ST3GAL3: variants seen among roughly 807,000 people sequenced by gnomAD.
ST3GAL3 encodes the protein CMP-N-acetylneuraminate-beta-1,4-galactoside alpha-2,3-sialyltransferase.
A neutral mutation model predicts 50.1 loss-of-function variants in ST3GAL3; 21 were observed. The observed-to-expected ratio is 0.42, with a 90% CI of 0.30 to 0.60. ST3GAL3 has a LOEUF of 0.60. Among genes scored for constraint, ST3GAL3 ranks in the 20% least tolerant of loss-of-function variants. The pLI is 0.19. For synonymous variants in ST3GAL3, 183 were observed against 190.0 expected (o/e 0.96, Z 0.30); for missense variants, 353 against 489.4 (o/e 0.72, Z 2.63).
intron 9 of ST3GAL3, chr1:43,911,871 G>T (rs182698528): frequency 6.6e-6 from 1 of 151,816 alleles, no homozygotes; most frequent in African/African-American, 2.4e-5. Flanking sequence ...GTATTTTTTC[G>T]TAGAGACGGG....
At position 43,759,601 on chromosome 1, in the gene ST3GAL3, GTGGT is replaced by G. The variant is rs1572283596; in HGVS notation, c.118+23223_118+23226del. 2.6e-5 allele frequency among the ~76,000 whole-genome samples: 4 copies of G among 152,346 alleles called. No homozygotes were observed. The East Asian group carries it at 5.8e-4, about 22-fold the overall frequency. ...GCAGAGAACTACTGTCTTTTGTAGA[GTGGT>G]TATTAAAGTTTGGTCAAGTGTATTT... On this transcript the variant is annotated intron_variant, in intron 2 of 11. Transcript: ENST00000347631.
chr1:43,751,797 C>T (rs1041830673), intron 2 of ST3GAL3, among the ~76,000 whole-genome samples: 5 of 152,174 alleles, frequency 3.3e-5, no homozygotes, highest in Admixed American at 2.0e-4. Context: ...AGCAACCTTA[C>T]GAGGTTGTAA....
intron 1 of ST3GAL3, among the ~76,000 whole-genome samples, chr1:43,735,786 G>A (rs1026008501): frequency 6.6e-6 from 1 of 152,234 alleles, no homozygotes; most frequent in Non-Finnish European, 1.5e-5. Flanking sequence ...CGAATGCAAA[G>A]GGGTTTAAGC....
At chr1:43,715,048 A>G (rs1384500290) in intron 1 of ST3GAL3, among the ~76,000 whole-genome samples, 1 of 152,150 alleles carries the variant, frequency 6.6e-6, no homozygotes, top group East Asian at 1.9e-4. Flanking sequence ...TGGCATGTTT[A>G]TGTATTTTTA....
chr1:43,816,683 T>C (rs972443), intron 4 of ST3GAL3, among the ~76,000 whole-genome samples: 60,023 of 152,004 alleles, frequency 0.39, 12,203 homozygotes, highest in East Asian at 0.59. Flanking sequence ...GACGCTCATC[T>C]CCTGCTGTCC....
intron 5 of ST3GAL3, among the ~76,000 whole-genome samples, chr1:43,862,045 A>AG (rs1309903876): frequency 3.8e-4 from 58 of 151,642 alleles, no homozygotes; most frequent in African/African-American, 1.2e-3. Flanking sequence ...AAAAAAAAAA[A>AG]AGAGAGACAA....
intron 3 of ST3GAL3, among the ~76,000 whole-genome samples, chr1:43,813,895 GCACA>G (rs371983204): frequency 0.15 from 14,737 of 97,716 alleles, 786 homozygotes; most frequent in East Asian, 0.18. Flanking sequence ...ACACACACAC[GCACA>G]CACGCACACA....
chr1:43,891,202 G>A (rs58403940), intron 5 of ST3GAL3, among the ~76,000 whole-genome samples: 7,456 of 152,280 alleles, frequency 0.049, 589 homozygotes, highest in African/African-American at 0.17. Context: ...AAGATTACTA[G>A]GATGTGTGCA....
At position 43,851,689 on chromosome 1, in the gene ST3GAL3, C is replaced by G. The variant is rs115599746; in HGVS notation, c.302+13378C>G. 7,276 of 1,327,734 alleles carry G rather than the reference C, an allele frequency of 5.5e-3. 301 individuals are homozygous for G. The African/African-American group carries it at 0.092, about 17-fold the overall frequency. 82.2% of individuals were successfully genotyped at this position (1,327,734 alleles called of 1,614,324 possible). On this transcript the variant is annotated intron_variant, in intron 5 of 11. Transcript: ENST00000347631. ...GCGCCAGCATCTTGTCATGTGAGGACCACAGGTCAGCATCCTTGTGGGCCC... is the reference window on the plus strand; with the variant it reads ...GCGCCAGCATCTTGTCATGTGAGGAGCACAGGTCAGCATCCTTGTGGGCCC...
chr1:43,846,347 C>G (rs2066252860), intron 5 of ST3GAL3, among the ~76,000 whole-genome samples: 1 of 152,074 alleles, frequency 6.6e-6, no homozygotes, highest in Admixed American at 6.6e-5. Context: ...TGAAATGTCC[C>G]TTTTTCTTAT....
intron 5 of ST3GAL3, among the ~76,000 whole-genome samples, chr1:43,891,762 A>G (rs1317555280): frequency 1.3e-5 from 2 of 152,170 alleles, no homozygotes; most frequent in East Asian, 1.9e-4. Flanking sequence ...AAAATTAAGC[A>G]TTTTATCTCA....
chr1:43,782,420 G>C (rs1699663521), intron 2 of ST3GAL3, among the ~76,000 whole-genome samples: 1 of 152,126 alleles, frequency 6.6e-6, no homozygotes, highest in Non-Finnish European at 1.5e-5. Flanking sequence ...TTTTCCTGAA[G>C]CAAAAATCTG....
rs140901198 is a variant in ST3GAL3, at chr1:43,786,066, C to T, written c.119-6036C>T. On this transcript the variant is annotated intron_variant, in intron 2 of 11. Coordinates refer to ENST00000347631, the MANE Select transcript of ST3GAL3 (RefSeq NM_006279.5). ...TTCTCTATTCCCATTGCCATCGACCCGGTTCAGGCCACCATCAGTTCTCAC... is the reference window on the plus strand; with the variant it reads ...TTCTCTATTCCCATTGCCATCGACCTGGTTCAGGCCACCATCAGTTCTCAC... Among the ~76,000 whole-genome samples, 28 of 152,076 alleles carry T rather than the reference C, an allele frequency of 1.8e-4. No individual in the cohort carries two copies. The East Asian group carries it at 4.2e-3, about 23-fold the overall frequency.
chr1:43,756,423 A>T (rs573672186), intron 2 of ST3GAL3, among the ~76,000 whole-genome samples: 1 of 152,272 alleles, frequency 6.6e-6, no homozygotes, highest in Admixed American at 6.5e-5. Context: ...AAAACTTCAA[A>T]TCATGTACTT....
intron 6 of ST3GAL3, among the ~76,000 whole-genome samples, chr1:43,897,542 G>A (rs959910258): frequency 6.6e-6 from 1 of 152,184 alleles, no homozygotes; most frequent in African/African-American, 2.4e-5. Context: ...TATTGCCAAA[G>A]CCAGAGAGAG....
intron 5 of ST3GAL3, among the ~76,000 whole-genome samples, chr1:43,871,973 T>A (rs1231522043): frequency 1.2e-4 from 1 of 8,384 alleles, no homozygotes; most frequent in Non-Finnish European, 2.5e-4. Context: ...GGGAGATGAC[T>A]GGGATGTGAG....
rs899079997 is a variant in ST3GAL3 at position 43,882,939 on chromosome 1, TTTTA to T, written c.303-11407_303-11404del. Among the ~76,000 whole-genome samples, 910 of 114,722 alleles carry T rather than the reference TTTTA, an allele frequency of 7.9e-3. 6 individuals are homozygous for T. Among genetic ancestry groups the T allele is most frequent in the Non-Finnish European group, 0.013 (676 of 53,174 alleles). The allele number at this position is 114,722 out of a possible 152,430, so 75.3% of individuals were successfully genotyped here. On this transcript the variant is annotated intron_variant, in intron 5 of 11. Transcript: ENST00000347631. The stretch of plus-strand genomic sequence containing the variant: ...TAGCACTTAGGTCAAGTGCCCATTC[TTTTA>T]TTTATTTATTTATTTATTTATTTAT...
chr1:43,870,532 C>A (rs1355327879), intron 5 of ST3GAL3, among the ~76,000 whole-genome samples: 2 of 151,020 alleles, frequency 1.3e-5, no homozygotes, highest in Non-Finnish European at 1.5e-5. Context: ...GGTGTCAGGA[C>A]ACATGTTGTA....
rs563606206 is a variant in ST3GAL3 at position 43,835,507 on chromosome 1, T to C, written c.210-2712T>C. Among the ~76,000 whole-genome samples, 4 of 152,284 alleles carry C rather than the reference T, an allele frequency of 2.6e-5. No homozygotes were observed. The South Asian group carries it at 6.2e-4, about 24-fold the overall frequency. ...ATTTGGAGCCCATCATCCTTGATAT[T>C]GGACTGCCTTCCACTGCCATGGAGA... is the stretch of plus-strand genomic sequence containing the variant. On this transcript the variant is annotated intron_variant, in intron 4 of 11. Coordinates refer to ENST00000347631, the MANE Select transcript of ST3GAL3 (RefSeq NM_006279.5).
Sources: gnomAD v4.1 joint callset for allele counts (sites outside exome capture counted in the v4.1 genomes callset) on GRCh38, gnomAD v4.1.1 for gene constraint, MANE v1.5 for transcripts, NCBI Gene and HGNC (gene_info 2026-07-23, HGNC 2026-07-21) for gene names.